The following GPR158 variants were observed in gnomAD, a reference collection of about 807,000 sequenced individuals.
The protein encoded by GPR158 is G protein-coupled receptor 158.
GPR158 carries 30 observed loss-of-function variants against 78.2 expected under a neutral mutation model. That is an observed-to-expected ratio of 0.38 (90% CI 0.29 to 0.52). GPR158 has a LOEUF of 0.52. Ranked by LOEUF, GPR158 falls within the 20% of genes least tolerant of loss-of-function variation. The pLI is 0.83. For missense variants in GPR158, 1,463 were observed against 1,523.5 expected, an observed-to-expected ratio of 0.96 and a Z score of 0.66; for synonymous variants, 581 against 591.1, an observed-to-expected ratio of 0.98 and a Z score of 0.25.
chr10:25,507,516 C>G (rs1173130831), intron 5 of GPR158, among the ~76,000 whole-genome samples: 1 of 152,190 alleles, frequency 6.6e-6, no homozygotes, highest in Non-Finnish European at 1.5e-5. Context: ...TTCGAGAAAT[C>G]TATGCCATGC....
intron 2 of GPR158, among the ~76,000 whole-genome samples, chr10:25,229,610 T>C (rs936290983): frequency 2.6e-5 from 4 of 152,182 alleles, no homozygotes; most frequent in African/African-American, 2.4e-5. Context: ...ACAAATAGTA[T>C]TTGGTAAAAC....
intron 2 of GPR158, among the ~76,000 whole-genome samples, chr10:25,232,983 CAG>C (rs1359416278): frequency 6.6e-6 from 1 of 151,942 alleles, no homozygotes; most frequent in African/African-American, 2.4e-5. Flanking sequence ...CCATTGAAAA[CAG>C]AAGGATTAAG....
chr10:25,187,397 G>A (rs1329328505), intron 1 of GPR158, among the ~76,000 whole-genome samples: 2 of 152,074 alleles, frequency 1.3e-5, no homozygotes, highest in African/African-American at 4.8e-5. Context: ...AATACTGGCA[G>A]ACCAAATCCA....
At chr10:25,299,760 C>T (rs565233119) in intron 2 of GPR158, among the ~76,000 whole-genome samples, 8 of 152,258 alleles carry the variant, frequency 5.3e-5, no homozygotes, top group Non-Finnish European at 1.0e-4. Flanking sequence ...CTTTTTAGCA[C>T]AAATTTTGCA....
intron 2 of GPR158, among the ~76,000 whole-genome samples, chr10:25,241,190 C>CTTTCTTTCTTTCTTTCT (rs1853608935): frequency 1.9e-5 from 1 of 53,440 alleles, no homozygotes; most frequent in African/African-American, 9.4e-5. Flanking sequence ...TCTTTCTTTC[C>CTTTCTTTCTTTCTTTCT]TTTCTTTCTT....
chr10:25,227,873 A>C (rs1279532903), intron 2 of GPR158, among the ~76,000 whole-genome samples: 1 of 152,222 alleles, frequency 6.6e-6, no homozygotes, highest in African/African-American at 2.4e-5. Flanking sequence ...ACACATATTT[A>C]AGAAGTGCAG....
chr10:25,547,354 T>C (rs964484606), intron 5 of GPR158, among the ~76,000 whole-genome samples: 4 of 152,166 alleles, frequency 2.6e-5, no homozygotes, highest in African/African-American at 9.6e-5. Context: ...AAGCTTACAA[T>C]GATCTGGCTC....
Position 25,476,384 on chromosome 10 carries a change from GT to G in GPR158, c.1404+9679del, listed in dbSNP as rs56271781. ...AAACCGTCAGTTTCATTTAATAAGG[GT>G]TTTTTTTTTTTTTCTTTCCCCTCTA... On this transcript the variant is annotated intron_variant, in intron 5 of 10. Coordinates refer to ENST00000376351, the MANE Select transcript of GPR158 (RefSeq NM_020752.3). 7.4e-3 allele frequency among the ~76,000 whole-genome samples: 1,075 copies of G among 144,438 alleles called. 6 individuals are homozygous for G. Among genetic ancestry groups the G allele is most frequent in the African/African-American group, 0.025 (997 of 39,478 alleles). The allele number at this position is 144,438 out of a possible 152,430, so 94.8% of individuals were successfully genotyped here.
intron 3 of GPR158, among the ~76,000 whole-genome samples, chr10:25,403,931 A>G (rs1834477940): frequency 6.6e-6 from 1 of 152,038 alleles, no homozygotes; most frequent in Admixed American, 6.6e-5. Flanking sequence ...TGAGGTGCTA[A>G]GTGTATAAAG....
intron 2 of GPR158, among the ~76,000 whole-genome samples, chr10:25,290,200 C>A (rs930766284): frequency 1.3e-5 from 2 of 152,142 alleles, no homozygotes; most frequent in Non-Finnish European, 2.9e-5. Context: ...CTCTTTTTAT[C>A]GGATATATCA....
At chr10:25,436,897 G>C (rs1424680295) in intron 4 of GPR158, among the ~76,000 whole-genome samples, 1 of 152,118 alleles carries the variant, frequency 6.6e-6, no homozygotes, top group Admixed American at 6.6e-5. Flanking sequence ...AACAATCTTT[G>C]GAATAGATAG....
intron 2 of GPR158, among the ~76,000 whole-genome samples, chr10:25,338,544 C>T (rs1013561288): frequency 2.0e-3 from 113 of 55,416 alleles, no homozygotes; most frequent in Non-Finnish European, 7.4e-3. Flanking sequence ...ATTATATATA[C>T]GTAATATATA....
At chr10:25,337,994 A>G (rs1855234157) in intron 2 of GPR158, among the ~76,000 whole-genome samples, 1 of 151,908 alleles carries the variant, frequency 6.6e-6, no homozygotes, top group African/African-American at 2.4e-5. Context: ...ATTGACCTAT[A>G]AGAATTCATT....
chr10:25,288,913 C>A (rs1335546347), intron 2 of GPR158, among the ~76,000 whole-genome samples: 1 of 152,160 alleles, frequency 6.6e-6, no homozygotes, highest in African/African-American at 2.4e-5. Context: ...AATACAATGC[C>A]TGTGGAAATT....
At chr10:25,523,554 C>G (rs949560168) in intron 5 of GPR158, among the ~76,000 whole-genome samples, 1 of 152,140 alleles carries the variant, frequency 6.6e-6, no homozygotes, top group Non-Finnish European at 1.5e-5. Flanking sequence ...AGGTTTTGGT[C>G]AGTAGCTGGA....
At chr10:25,411,628 T>C (rs919876676) in intron 3 of GPR158, among the ~76,000 whole-genome samples, 1 of 151,908 alleles carries the variant, frequency 6.6e-6, no homozygotes, top group Non-Finnish European at 1.5e-5. Flanking sequence ...TGGTGAGTGG[T>C]AGATAATGAT....
chr10:25,585,876 G>A (rs539785306), intron 7 of GPR158, among the ~76,000 whole-genome samples: 3 of 152,242 alleles, frequency 2.0e-5, no homozygotes, highest in African/African-American at 7.2e-5. Context: ...CTGCTCAGAT[G>A]GCTGAGGCAC....
intron 4 of GPR158, among the ~76,000 whole-genome samples, chr10:25,422,003 G>A (rs1834758455): frequency 6.6e-6 from 1 of 152,020 alleles, no homozygotes; most frequent in South Asian, 2.1e-4. Context: ...TTTGAGTTCT[G>A]ACTTTTGGCC....
intron 5 of GPR158, among the ~76,000 whole-genome samples, chr10:25,500,355 C>T (rs867616878): frequency 1.3e-5 from 2 of 152,088 alleles, no homozygotes; most frequent in South Asian, 2.1e-4. Context: ...CTGTGTGAGG[C>T]CTTCATTGGA....
Sources: gnomAD v4.1 joint callset for allele counts (sites outside exome capture counted in the v4.1 genomes callset) on GRCh38, gnomAD v4.1.1 for gene constraint, MANE v1.5 for transcripts, NCBI Gene and HGNC (gene_info 2026-07-23, HGNC 2026-07-21) for gene names.